ZFHX3: variants seen among roughly 807,000 people sequenced by gnomAD.
The protein encoded by ZFHX3 is zinc finger homeobox protein 3.
ZFHX3 carries 42 observed loss-of-function variants against 279.1 expected under a neutral mutation model. The ratio of observed to expected loss-of-function variants is 0.15; its 90% CI spans 0.12 to 0.19. The LOEUF (loss-of-function observed/expected upper bound fraction) is 0.19, where lower values mean the gene tolerates loss of function less well. Ranked by LOEUF, ZFHX3 falls within the 10% of genes least tolerant of loss-of-function variation. The pLI, the probability that ZFHX3 is intolerant of heterozygous loss-of-function variation, is 1.00. For synonymous variants in ZFHX3, 2,293 were observed against 1,957.8 expected (o/e 1.17, Z -4.52); for missense variants, 4,981 against 4,754.0 (o/e 1.05, Z -1.40).
At chr16:73,487,275 A>C (rs1356609835) in intron 2 of ZFHX3, among the ~76,000 whole-genome samples, 1 of 152,184 alleles carries the variant, frequency 6.6e-6, no homozygotes, top group East Asian at 1.9e-4. Flanking sequence ...GAGTTTAGTT[A>C]ATGGTGGGCA....
At chr16:73,294,013 A>AAAAAC (rs2014841489) in intron 4 of ZFHX3, 1 of 141,596 alleles carries the variant, frequency 7.1e-6, no homozygotes, top group African/African-American at 2.6e-5. Flanking sequence ...AAAAAAAAAA[A>AAAAAC]CCACAAAGCT....
chr16:73,840,297 G>T (rs936111307), intron 1 of ZFHX3, among the ~76,000 whole-genome samples: 2 of 152,026 alleles, frequency 1.3e-5, no homozygotes, highest in Non-Finnish European at 2.9e-5. Context: ...CTGCTAAAAG[G>T]CCCCCTTTTC....
rs932147114 is a variant in ZFHX3, at chr16:73,740,836, G to A, written c.-1607-60596C>T. 6.6e-5 allele frequency among the ~76,000 whole-genome samples: 10 copies of A among 152,234 alleles called. No homozygotes were observed. In the South Asian group the frequency reaches 8.3e-4, roughly 13 times the overall value. ...AGGGGCTTCTCATTATGGAATGCAA[G>A]AGAGTTGAAAAGTCAAATAATTGGG... is the stretch of plus-strand genomic sequence containing the variant. On this transcript the variant is annotated intron_variant, in intron 1 of 17. Coordinates refer to the ZFHX3 transcript ENST00000641206.
At chr16:73,371,064 G>A (rs546575872) in intron 3 of ZFHX3, among the ~76,000 whole-genome samples, 13 of 152,114 alleles carry the variant, frequency 8.5e-5, no homozygotes, top group Admixed American at 7.2e-4. Context: ...GCTCATGGCT[G>A]TAATCCCAGC....
rs756088886 is a variant in ZFHX3 at position 73,105,444 on chromosome 16, C to CAT, written c.-896-11848_-896-11847dup. ...ATATATATATATATACACACACACACATATATATATATATTTTTTCCCCCA... is the reference window on the plus strand; with the variant it reads ...ATATATATATATATACACACACACACATATATATATATATATTTTTTCCCCCA... On this transcript the variant is annotated intron_variant, in intron 7 of 17. Transcript: ENST00000641206. 6.9e-4 allele frequency among the ~76,000 whole-genome samples: 86 copies of CAT among 125,306 alleles called. 1 individual carries two copies. The highest frequency in any genetic ancestry group is 2.4e-3 in the East Asian group (11 of 4,512). The allele number at this position is 125,306 out of a possible 152,430, so 82.2% of individuals were successfully genotyped here.
At chr16:73,234,125 G>T (rs1802557345) in intron 5 of ZFHX3, among the ~76,000 whole-genome samples, 1 of 152,170 alleles carries the variant, frequency 6.6e-6, no homozygotes, top group Non-Finnish European at 1.5e-5. Context: ...CTCCGAGAGG[G>T]AGGGAAAGGG....
chr16:73,320,419 G>A (rs1405856346), intron 3 of ZFHX3, among the ~76,000 whole-genome samples: 1 of 152,146 alleles, frequency 6.6e-6, no homozygotes, highest in African/African-American at 2.4e-5. Flanking sequence ...AAATTACACG[G>A]CATTTATTTA....
intron 1 of ZFHX3, among the ~76,000 whole-genome samples, chr16:72,961,333 T>C (rs948288992): frequency 6.6e-6 from 1 of 152,210 alleles, no homozygotes; most frequent in Non-Finnish European, 1.5e-5. Flanking sequence ...GAGCTGAATG[T>C]GCCCTCTGAG....
intron 4 of ZFHX3, among the ~76,000 whole-genome samples, chr16:72,877,400 T>G (rs1225655023): frequency 6.6e-6 from 1 of 151,904 alleles, no homozygotes; most frequent in Non-Finnish European, 1.5e-5. Flanking sequence ...TATCTAATAG[T>G]GAGATCAAAT....
At chr16:73,306,439 C>G (rs1040754727) in intron 4 of ZFHX3, among the ~76,000 whole-genome samples, 13 of 152,182 alleles carry the variant, frequency 8.5e-5, no homozygotes, top group African/African-American at 3.1e-4. Flanking sequence ...CCTGCCTCAG[C>G]CTCCCATGTA....
intron 2 of ZFHX3, among the ~76,000 whole-genome samples, chr16:73,679,258 C>T (rs1189887983): frequency 6.6e-6 from 1 of 151,996 alleles, no homozygotes; most frequent in African/African-American, 2.4e-5. Context: ...TACCCAAGTC[C>T]CTGCTCTTTT....
At chr16:73,217,657 G>A (rs563986973) in intron 5 of ZFHX3, among the ~76,000 whole-genome samples, 54 of 152,188 alleles carry the variant, frequency 3.5e-4, no homozygotes, top group Admixed American at 3.0e-3. Context: ...AAAAAACCCC[G>A]TCAGGCCCAC....
At chr16:73,174,185 T>C (rs761159329) in intron 5 of ZFHX3, among the ~76,000 whole-genome samples, 4 of 152,192 alleles carry the variant, frequency 2.6e-5, no homozygotes, top group Non-Finnish European at 4.4e-5. Flanking sequence ...GAGACCTTCC[T>C]GGTCACAGGA....
At chr16:73,720,090 T>C (rs1051669766) in intron 1 of ZFHX3, among the ~76,000 whole-genome samples, 2 of 152,204 alleles carry the variant, frequency 1.3e-5, no homozygotes, top group Non-Finnish European at 2.9e-5. Flanking sequence ...CAATAAGTAC[T>C]AATAATCAAT....
intron 2 of ZFHX3, among the ~76,000 whole-genome samples, chr16:73,619,500 T>TATA (rs34326004): frequency 0.032 from 4,162 of 131,576 alleles, 164 homozygotes; most frequent in African/African-American, 0.085. Context: ...AAAAAAAAAA[T>TATA]TATATATATA....
intron 5 of ZFHX3, among the ~76,000 whole-genome samples, chr16:73,172,987 TG>T (rs1967570504): frequency 2.8e-4 from 19 of 68,030 alleles, no homozygotes; most frequent in Admixed American, 6.4e-4. Context: ...CTGATGGGAC[TG>T]TTTTTTTGTT....
At chr16:73,890,410 T>G (rs1442657795) in intron 1 of ZFHX3, among the ~76,000 whole-genome samples, 1 of 152,174 alleles carries the variant, frequency 6.6e-6, no homozygotes, top group Non-Finnish European at 1.5e-5. Context: ...GAGAATTTGC[T>G]TTGTTCAGCA....
intron 5 of ZFHX3, among the ~76,000 whole-genome samples, chr16:73,208,582 C>T (rs1237022417): frequency 6.6e-6 from 1 of 152,004 alleles, no homozygotes; most frequent in Non-Finnish European, 1.5e-5. Flanking sequence ...TATAAAATAG[C>T]ATTAAGTGAC....
intron 1 of ZFHX3, among the ~76,000 whole-genome samples, chr16:73,787,398 C>A (rs999409510): frequency 1.3e-5 from 2 of 152,150 alleles, no homozygotes; most frequent in African/African-American, 4.8e-5. Flanking sequence ...GCAAGCGGCC[C>A]CATGCGTCCC....
Sources: gnomAD v4.1 joint callset for allele counts (sites outside exome capture counted in the v4.1 genomes callset) on GRCh38, gnomAD v4.1.1 for gene constraint, MANE v1.5 for transcripts, NCBI Gene and HGNC (gene_info 2026-07-23, HGNC 2026-07-21) for gene names.